Variants in PDE3A observed in about 807,000 individuals in gnomAD.
PDE3A encodes phosphodiesterase 3A.
In PDE3A, 43 loss-of-function variants were observed where a neutral mutation model predicts 98.3. The ratio of observed to expected loss-of-function variants is 0.44; its 90% CI spans 0.34 to 0.56. PDE3A has a LOEUF of 0.56. PDE3A is among the 20% of genes least tolerant of loss of function. The probability of loss-of-function intolerance (pLI) is 0.01; values close to 1 mark genes in which losing one functional copy is unlikely to be tolerated. For missense variants in PDE3A, 1,427 were observed against 1,440.7 expected, an observed-to-expected ratio of 0.99 and a Z score of 0.15; for synonymous variants, 663 against 567.9, an observed-to-expected ratio of 1.17 and a Z score of -2.38.
At position 20,552,481 on chromosome 12, in the gene PDE3A, C is replaced by A. The variant is rs1237280975; in HGVS notation, c.961-4179C>A. On this transcript the variant is annotated intron_variant, in intron 1 of 15. Coordinates refer to ENST00000359062, the MANE Select transcript of PDE3A (RefSeq NM_000921.5). This position sits in a 1 kb window ranked among gnomAD's most constrained non-coding sequence, Gnocchi z 5.1. ...AGGCTACCTGGAAGCCCTGGCCAAC[C>A]GAGAGCGAGAGAAGGAGAACAGCAA... is the stretch of plus-strand genomic sequence containing the variant. 1 of 1,612,604 alleles carries A rather than the reference C, an allele frequency of 6.2e-7. No individual in the cohort carries two copies. Among genetic ancestry groups the A allele is most frequent in the Non-Finnish European group, 8.5e-7 (1 of 1,179,608 alleles).
Position 20,482,928 on chromosome 12 carries a change from C to G in PDE3A, c.961-73732C>G, listed in dbSNP as rs191958637. On this transcript the variant is annotated intron_variant, in intron 1 of 15. Transcript: ENST00000359062. ...GGAAAGATTTTTTTCCTAGAAAGTG[C>G]AAAGTACGATATGACGTAGGAATTA... Among the ~76,000 whole-genome samples the G allele has an allele frequency of 3.4e-3, 523 of 152,214 alleles. 4 individuals are homozygous for G. The highest frequency in any genetic ancestry group is 0.012 in the African/African-American group (499 of 41,520).
At chr12:20,470,055 T>A (rs527521617) in intron 1 of PDE3A, among the ~76,000 whole-genome samples, 1 of 152,230 alleles carries the variant, frequency 6.6e-6, no homozygotes, top group East Asian at 1.9e-4. Flanking sequence ...CTGGAAATCA[T>A]ATTTTAATCT....
chr12:20,375,825 A>G (rs1349927866), intron 1 of PDE3A, among the ~76,000 whole-genome samples: 3 of 151,956 alleles, frequency 2.0e-5, no homozygotes, highest in Admixed American at 1.3e-4. Flanking sequence ...AATGCATATA[A>G]TAACTTGGAG....
chr12:20,661,916 C>T (rs1945179861), intron 15 of PDE3A, among the ~76,000 whole-genome samples: 1 of 152,020 alleles, frequency 6.6e-6, no homozygotes, highest in South Asian at 2.1e-4. Context: ...GAGCCACTGT[C>T]CTCCAGACCC....
rs1419414354 is a variant in PDE3A at position 20,452,132 on chromosome 12, G to C, written c.960+81888G>C. Among the ~76,000 whole-genome samples the C allele has an allele frequency of 3.3e-5, 5 of 152,180 alleles. No individual in the cohort carries two copies. In the East Asian group the frequency reaches 5.8e-4, roughly 18 times the overall value. On this transcript the variant is annotated intron_variant, in intron 1 of 15. Coordinates refer to ENST00000359062, the MANE Select transcript of PDE3A (RefSeq NM_000921.5). ...AGTACTTAATCCCAGTAAAATATTA[G>C]TGCTCCTGAATTGTGTCATTCCTCT...
intron 10 of PDE3A, among the ~76,000 whole-genome samples, chr12:20,646,266 C>A (rs993953288): frequency 3.3e-5 from 5 of 152,110 alleles, no homozygotes; most frequent in Non-Finnish European, 5.9e-5. Flanking sequence ...ACTTCAGATA[C>A]CTGCATGCAT....
intron 1 of PDE3A, among the ~76,000 whole-genome samples, chr12:20,521,342 A>AT (rs563884053): frequency 2.6e-5 from 4 of 151,972 alleles, no homozygotes; most frequent in Non-Finnish European, 4.4e-5. Flanking sequence ...ATAATAAGAG[A>AT]TTTTTTTTAA....
chr12:20,369,580 A>T lies in PDE3A; in HGVS notation c.296A>T (p.Glu99Val). 1 of 1,554,624 alleles carries T rather than the reference A, an allele frequency of 6.4e-7. No homozygotes were observed. The highest frequency in any genetic ancestry group is 8.7e-7 in the Non-Finnish European group (1 of 1,150,882). Residue 99 changes from glutamate (E) to valine (V), a missense_variant, in exon 1 of 16, where the codon GAG becomes GTG. This residue lies in a region of PDE3A where 1,012 missense variants were observed against 886.5 expected (regional missense o/e 1.14). Coordinates refer to ENST00000359062, the MANE Select transcript of PDE3A (RefSeq NM_000921.5). ...LEQCKEAAAA[E>V]EEEAAPGAEG... ...CAGTGTAAGGAGGCGGCGGCGGCGGAGGAGGAGGAAGCAGCCCCGGGAGCA... is the reference window on the plus strand; with the variant it reads ...CAGTGTAAGGAGGCGGCGGCGGCGGTGGAGGAGGAAGCAGCCCCGGGAGCA...
Position 20,552,225 on chromosome 12 carries a change from G to A in PDE3A, c.961-4435G>A, listed in dbSNP as rs1291144374. 2.5e-5 allele frequency: 40 copies of A among 1,613,966 alleles called. No individual in the cohort carries two copies. The highest frequency in any genetic ancestry group is 3.2e-5 in the Non-Finnish European group (38 of 1,179,878). Reference sequence around the variant, plus strand: ...CCAAGGACTGGCGGTCGGGGAAGCCGGTCAGGGTGGTGCGCAATGTCAAGG... The same window carrying A: ...CCAAGGACTGGCGGTCGGGGAAGCCAGTCAGGGTGGTGCGCAATGTCAAGG... On this transcript the variant is annotated intron_variant, in intron 1 of 15. Transcript: ENST00000359062. The surrounding 1 kb of genome is among the most constrained non-coding windows in gnomAD (Gnocchi z 5.1).
At chr12:20,548,538 C>T (rs1336551069) in intron 1 of PDE3A, among the ~76,000 whole-genome samples, 1 of 151,970 alleles carries the variant, frequency 6.6e-6, no homozygotes, top group African/African-American at 2.4e-5. Context: ...CAATCTCTCC[C>T]TCTCTGTTTT....
At chr12:20,446,365 G>A (rs1198231109) in intron 1 of PDE3A, among the ~76,000 whole-genome samples, 1 of 152,096 alleles carries the variant, frequency 6.6e-6, no homozygotes, top group Admixed American at 6.6e-5. Context: ...TTTGAGATGG[G>A]GTGAGGGAAA....
At chr12:20,669,137 G>A (rs1364100616) in intron 15 of PDE3A, among the ~76,000 whole-genome samples, 1 of 151,964 alleles carries the variant, frequency 6.6e-6, no homozygotes, top group Non-Finnish European at 1.5e-5. Context: ...AGCGAGAAGG[G>A]AAGTGTAGAG....
Position 20,369,692 on chromosome 12 carries a change from C to T in PDE3A, c.408C>T (p.Leu136=). The stretch of plus-strand genomic sequence containing the variant: ...CCTGGCTGCAGCCCTCGGCGCTGCT[C>T]TTCAGTCTCCTGTGTGCCTTCTTCT... ...LSPWLQPSAL[L]FSLLCAFFWM... The change falls in exon 1 of 16, where the codon CTC becomes CTT. Residue 136 remains leucine, a synonymous_variant. Transcript: ENST00000359062. 1 of 1,611,642 alleles carries T rather than the reference C, an allele frequency of 6.2e-7. No individual in the cohort carries two copies. Among genetic ancestry groups the T allele is most frequent in the Non-Finnish European group, 8.5e-7 (1 of 1,179,542 alleles).
At position 20,400,379 on chromosome 12, in the gene PDE3A, GTTTTTTTTTTTTTTTTT is replaced by G. The variant is rs75851941; in HGVS notation, c.960+30164_960+30180del. On this transcript the variant is annotated intron_variant, in intron 1 of 15. Transcript: ENST00000359062. ...AGCTCATGTTGACTCGTTAACATTG[GTTTTTTTTTTTTTTTTT>G]TTTTTTTTTTTTTTTTTTTTTTTTT... Among the ~76,000 whole-genome samples, 208 of 110,248 alleles carry G rather than the reference GTTTTTTTTTTTTTTTTT, an allele frequency of 1.9e-3. 4 individuals are homozygous for G. The highest frequency in any genetic ancestry group is 0.016 in the East Asian group (68 of 4,262). 72.3% of individuals were successfully genotyped at this position (110,248 alleles called of 152,430 possible).
intron 1 of PDE3A, among the ~76,000 whole-genome samples, chr12:20,466,880 A>G (rs543825893): frequency 3.1e-4 from 47 of 152,312 alleles, no homozygotes; most frequent in African/African-American, 1.1e-3. Context: ...TGAAAGATAA[A>G]TGAGATCTTC....
intron 1 of PDE3A, among the ~76,000 whole-genome samples, chr12:20,445,860 G>A (rs1311981271): frequency 1.3e-5 from 2 of 151,940 alleles, no homozygotes; most frequent in Non-Finnish European, 1.5e-5. Context: ...CATTCATACC[G>A]TACATCTCCT....
intron 10 of PDE3A, among the ~76,000 whole-genome samples, chr12:20,644,601 A>G (rs913674248): frequency 1.3e-5 from 2 of 152,180 alleles, no homozygotes; most frequent in African/African-American, 4.8e-5. Flanking sequence ...GCCCAAGTAC[A>G]GACATAAAAT....
chr12:20,566,865 T>C (rs1049458016), intron 2 of PDE3A, among the ~76,000 whole-genome samples: 5 of 151,958 alleles, frequency 3.3e-5, no homozygotes, highest in African/African-American at 9.7e-5. Context: ...ACTCCACTTT[T>C]ACCACTCATT....
At chr12:20,585,637 C>T (rs1237687063) in intron 2 of PDE3A, among the ~76,000 whole-genome samples, 2 of 102,598 alleles carry the variant, frequency 1.9e-5, no homozygotes, top group African/African-American at 6.8e-5. Context: ...AGCTTTTGTT[C>T]ATTATTAAAT....
Sources: gnomAD v4.1 joint callset for allele counts (sites outside exome capture counted in the v4.1 genomes callset) on GRCh38, gnomAD v4.1.1 for gene constraint, gnomAD v4.1.1 regional missense constraint, Gnocchi (gnomAD v3.1) non-coding constraint, MANE v1.5 for transcripts, NCBI Gene and HGNC (gene_info 2026-07-23, HGNC 2026-07-21) for gene names.